The following RASD2 variants were observed in gnomAD, a reference collection of about 807,000 sequenced individuals.
RASD2 encodes GTP-binding protein Rhes.
In RASD2, 7 loss-of-function variants were observed where a neutral mutation model predicts 15.8. That is an observed-to-expected ratio of 0.44 (90% confidence interval 0.25 to 0.83). The LOEUF is 0.83. Ranked by LOEUF, RASD2 falls within the 40% of genes least tolerant of loss-of-function variation. The probability of loss-of-function intolerance (pLI) is 0.20; values close to 1 mark genes in which losing one functional copy is unlikely to be tolerated. For missense variants in RASD2, 274 were observed against 382.8 expected (o/e 0.72, Z 2.37); for synonymous variants, 155 against 153.6 (o/e 1.01, Z -0.07).
At chr22:35,546,588 C>T (rs1036339895) in intron 1 of RASD2, among the ~76,000 whole-genome samples, 5 of 151,952 alleles carry the variant, frequency 3.3e-5, no homozygotes, top group Admixed American at 1.3e-4. Context: ...GATGAATGAA[C>T]GGATATTGAG....
the RASD2 span, among the ~76,000 whole-genome samples, chr22:35,533,712 GTGATGGTGA>G: frequency 7.5e-5 from 9 of 119,582 alleles, no homozygotes; most frequent in Admixed American, 1.7e-4. Flanking sequence ...GGTGATGATG[GTGATGGTGA>G]TGATGATGAT....
intron 1 of RASD2, among the ~76,000 whole-genome samples, chr22:35,545,181 C>T (rs1455868052): frequency 6.6e-6 from 1 of 152,184 alleles, no homozygotes; most frequent in African/African-American, 2.4e-5. Flanking sequence ...GTTTCCTGCA[C>T]AGAGGCTGGT....
chr22:35,552,065 C>T lies in RASD2; in HGVS notation c.*33C>T. ...ATGCTGGGGCGGGGCTTGGCCAGTG[C>T]CTTCAGGGAGGTGGCCCCAGATGCC... On this transcript the variant is annotated 3_prime_UTR_variant, in exon 3 of 3. Coordinates refer to ENST00000216127, the MANE Select transcript of RASD2 (RefSeq NM_014310.4). 6.4e-7 allele frequency: 1 copy of T among 1,570,228 alleles called. No individual in the cohort carries two copies. The highest frequency in any genetic ancestry group is 8.6e-7 in the Non-Finnish European group (1 of 1,161,638).
At chr22:35,548,229 G>A (rs970075395) in intron 2 of RASD2, among the ~76,000 whole-genome samples, 6 of 152,152 alleles carry the variant, frequency 3.9e-5, no homozygotes, top group Admixed American at 1.3e-4. Context: ...CCCTGGTTCC[G>A]CTGCTTCCTG....
chr22:35,551,934 G>T lies in RASD2; in HGVS notation c.703G>T (p.Ala235Ser). Reference protein sequence around the residue: ...MDAYGMVSPFARRPSVNSDLK... With the variant: ...MDAYGMVSPFSRRPSVNSDLK... ...CGCCTATGGCATGGTCTCGCCCTTC[G>T]CCCGCCGCCCCAGCGTCAACAGTGA... is the stretch of plus-strand genomic sequence containing the variant. Residue 235 changes from alanine (A) to serine (S), a missense_variant, in exon 3 of 3, where the codon GCC (alanine) becomes TCC (serine). By Grantham distance (99) the Ala-to-Ser change is moderately conservative. Coordinates refer to ENST00000216127, the MANE Select transcript of RASD2 (RefSeq NM_014310.4). The surrounding 1 kb of genome is among the most constrained non-coding windows in gnomAD (Gnocchi z 4.9). 1 of 1,608,192 alleles carries T rather than the reference G, an allele frequency of 6.2e-7. No individual in the cohort carries two copies. The highest frequency in any genetic ancestry group is 8.5e-7 in the Non-Finnish European group (1 of 1,179,988).
Position 35,546,915 on chromosome 22 carries a change from G to C in RASD2, c.106G>C (p.Val36Leu). ...GASRVGKSSI[V>L]SRFLNGRFED... ...CTCTCGGGTGGGCAAGAGCTCCATC[G>C]TGTCTCGCTTCCTCAATGGCCGCTT... Residue 36 changes from valine to leucine, a missense_variant, in exon 2 of 3, where the codon GTG becomes CTG. Coordinates refer to ENST00000216127, the MANE Select transcript of RASD2 (RefSeq NM_014310.4). 1 of 1,613,364 alleles carries C rather than the reference G, an allele frequency of 6.2e-7. No individual in the cohort carries two copies. Among genetic ancestry groups the C allele is most frequent in the East Asian group, 2.2e-5 (1 of 44,832 alleles).
chr22:35,534,213 G>A, the RASD2 span, among the ~76,000 whole-genome samples: 3 of 152,166 alleles, frequency 2.0e-5, no homozygotes, highest in Admixed American at 6.6e-5. Context: ...CTGTAAAACC[G>A]AAACAAGAAC....
intron 1 of RASD2, among the ~76,000 whole-genome samples, chr22:35,545,927 T>C (rs1436362590): frequency 6.6e-6 from 1 of 152,094 alleles, no homozygotes; most frequent in Non-Finnish European, 1.5e-5. Flanking sequence ...CTTGGATCCA[T>C]GTCGGCCTCT....
At position 35,551,603 on chromosome 22, in the gene RASD2, G is replaced by T; in HGVS notation, c.372G>T (p.Lys124Asn). ...KQILEVKSCL[K>N]NKTKEAAELP... The stretch of plus-strand genomic sequence containing the variant: ...TCCTGGAGGTCAAGTCCTGCCTGAA[G>T]AACAAGACCAAGGAGGCGGCGGAGC... Residue 124 changes from lysine (K) to asparagine (N), a missense_variant, in exon 3 of 3, where the codon AAG becomes AAT. Lys to Asn is a moderately conservative substitution (Grantham distance 94). Transcript: ENST00000216127. The surrounding 1 kb of genome is among the most constrained non-coding windows in gnomAD (Gnocchi z 4.9). 1 of 1,614,192 alleles carries T rather than the reference G, an allele frequency of 6.2e-7. No individual in the cohort carries two copies. The highest frequency in any genetic ancestry group is 2.2e-5 in the East Asian group (1 of 44,880).
chr22:35,548,352 A>G (rs966736384), intron 2 of RASD2, among the ~76,000 whole-genome samples: 2 of 152,226 alleles, frequency 1.3e-5, no homozygotes, highest in African/African-American at 4.8e-5. Flanking sequence ...TAAATGAATG[A>G]ATATATGTAA....
the RASD2 span, among the ~76,000 whole-genome samples, chr22:35,533,832 ATGG>A: frequency 6.7e-6 from 1 of 150,186 alleles, no homozygotes; most frequent in Non-Finnish European, 1.5e-5. Flanking sequence ...GATGATGATG[ATGG>A]TGATGATGGG....
chr22:35,549,533 G>A (rs1179210298), intron 2 of RASD2, among the ~76,000 whole-genome samples: 1 of 152,222 alleles, frequency 6.6e-6, no homozygotes, highest in African/African-American at 2.4e-5. Flanking sequence ...CCCCGGATTA[G>A]CCTAACGGGA....
upstream of RASD2, among the ~76,000 whole-genome samples, chr22:35,537,152 C>T (rs1934256952): frequency 6.6e-6 from 1 of 152,182 alleles, no homozygotes; most frequent in Non-Finnish European, 1.5e-5. Context: ...TGGTTTTGAA[C>T]AGTCTCCCTG....
At chr22:35,535,122 G>A in the RASD2 span, among the ~76,000 whole-genome samples, 1 of 152,284 alleles carries the variant, frequency 6.6e-6, no homozygotes, top group East Asian at 1.9e-4. Flanking sequence ...AGGAAGCTCT[G>A]GCCAGATGCA....
chr22:35,542,562 G>A (rs892904196), intron 1 of RASD2, among the ~76,000 whole-genome samples: 1 of 152,216 alleles, frequency 6.6e-6, no homozygotes, highest in Non-Finnish European at 1.5e-5. Flanking sequence ...GGGTGGTGGG[G>A]TTGGCTTTGC....
At chr22:35,549,742 G>A (rs1034666465) in intron 2 of RASD2, among the ~76,000 whole-genome samples, 6 of 152,206 alleles carry the variant, frequency 3.9e-5, no homozygotes, top group Non-Finnish European at 8.8e-5. Flanking sequence ...CGAGCTGTTT[G>A]GAGCACACCT....
At chr22:35,548,066 C>T (rs528009484) in intron 2 of RASD2, among the ~76,000 whole-genome samples, 2 of 152,336 alleles carry the variant, frequency 1.3e-5, no homozygotes, top group East Asian at 1.9e-4. Context: ...AAAGCCATAC[C>T]ACAGCCTCTC....
At chr22:35,538,725 G>T (rs1262793459), upstream of RASD2, among the ~76,000 whole-genome samples, 2 of 152,198 alleles carry the variant, frequency 1.3e-5, no homozygotes, top group South Asian at 2.1e-4. Flanking sequence ...GGGAGCAATT[G>T]GTTCTTGGGC....
At chr22:35,542,936 C>T (rs1165458324) in intron 1 of RASD2, among the ~76,000 whole-genome samples, 1 of 152,134 alleles carries the variant, frequency 6.6e-6, no homozygotes, top group Non-Finnish European at 1.5e-5. Context: ...TAGTATGTCT[C>T]GGCGTCATCC....
Sources: allele counts gnomAD v4.1 joint callset (sites outside exome capture counted in the v4.1 genomes callset), GRCh38; gene constraint gnomAD v4.1.1; non-coding constraint Gnocchi (gnomAD v3.1); transcripts MANE v1.5; gene names NCBI Gene and HGNC (gene_info 2026-07-23, HGNC 2026-07-21).